The following TBC1D4 variants were observed in gnomAD, a reference collection of about 807,000 sequenced individuals.
TBC1D4 encodes TBC1 domain family member 4, also known as TBC (Tre-2, BUB2, CDC16) domain-containing protein.
TBC1D4 carries 121 observed loss-of-function variants against 142.5 expected under a neutral mutation model. That is an observed-to-expected ratio of 0.85 (90% CI 0.73 to 0.99). TBC1D4 has a LOEUF of 0.99. Ranked by LOEUF, TBC1D4 falls within the 50% of genes least tolerant of loss-of-function variation. TBC1D4 has a pLI of 0.00. For synonymous variants in TBC1D4, 630 were observed against 628.2 expected (o/e 1.00, Z -0.04); for missense variants, 1,475 against 1,606.6 (o/e 0.92, Z 1.40).
At position 75,289,073 on chromosome 13, in the gene TBC1D4, T is replaced by C. The variant is rs1197972676; in HGVS notation, c.3524A>G (p.Tyr1175Cys). 3.7e-6 allele frequency: 6 copies of C among 1,613,744 alleles called. No individual in the cohort carries two copies. Among genetic ancestry groups the C allele is most frequent in the East Asian group, 2.2e-5 (1 of 44,884 alleles). The change falls in exon 20 of 21, where the codon TAT becomes TGT. Residue 1175 changes from tyrosine to cysteine, a missense_variant. Tyr to Cys is a radical substitution (Grantham distance 194, BLOSUM62 -2). Coordinates refer to ENST00000377636, the MANE Select transcript of TBC1D4 (RefSeq NM_014832.5). ...EMDISKQLHA[Y>C]EVEYHVLQDE... ...CTGTAGCACATGATATTCCACCTCA[T>C]AGGCATGCAACTGCTTAGAAATATC...
At position 75,429,641 on chromosome 13, in the gene TBC1D4, T is replaced by C. The variant is rs77161764; in HGVS notation, c.498+51629A>G. On this transcript the variant is annotated intron_variant, in intron 1 of 20. Transcript: ENST00000377636. ...GTTTTAATTAAAATGATCCCAAAAA[T>C]GCTTTTAAAATTTATTTAGATCGAA... 6.0e-3 allele frequency among the ~76,000 whole-genome samples: 908 copies of C among 152,170 alleles called. 9 individuals are homozygous for C. Among genetic ancestry groups the C allele is most frequent in the African/African-American group, 0.021 (880 of 41,516 alleles).
chr13:75,329,310 C>T (rs1432305998), intron 8 of TBC1D4, among the ~76,000 whole-genome samples: 1 of 152,064 alleles, frequency 6.6e-6, no homozygotes, highest in Admixed American at 6.6e-5. Context: ...GTGACTACTT[C>T]AGCAAACACG....
intron 1 of TBC1D4, among the ~76,000 whole-genome samples, chr13:75,410,522 T>C (rs1252564961): frequency 6.6e-6 from 1 of 152,178 alleles, no homozygotes; most frequent in Admixed American, 6.5e-5. Flanking sequence ...AGAAGTTGGG[T>C]CAGGGCACAC....
intron 18 of TBC1D4, among the ~76,000 whole-genome samples, chr13:75,293,319 C>A (rs1875538874): frequency 6.6e-6 from 1 of 152,160 alleles, no homozygotes; most frequent in Non-Finnish European, 1.5e-5. Context: ...CTTGCTCATG[C>A]ATCTTTCCAT....
intron 2 of TBC1D4, among the ~76,000 whole-genome samples, chr13:75,361,693 T>A (rs1882529376): frequency 1.3e-5 from 2 of 152,172 alleles, no homozygotes; most frequent in Non-Finnish European, 2.9e-5. Flanking sequence ...AATTTTTTTT[T>A]AAGCATTTAT....
At chr13:75,431,939 A>C (rs1314257804) in intron 1 of TBC1D4, among the ~76,000 whole-genome samples, 3 of 152,222 alleles carry the variant, frequency 2.0e-5, no homozygotes, top group Non-Finnish European at 4.4e-5. Flanking sequence ...TCTAAGGGTT[A>C]AGAATGGACA....
intron 1 of TBC1D4, among the ~76,000 whole-genome samples, chr13:75,381,325 A>T (rs201449341): frequency 6.6e-6 from 1 of 152,130 alleles, no homozygotes; most frequent in Non-Finnish European, 1.5e-5. Flanking sequence ...ATGGCCTATA[A>T]CTGCCACTCA....
At chr13:75,442,489 A>G (rs952214172) in intron 1 of TBC1D4, among the ~76,000 whole-genome samples, 1 of 152,294 alleles carries the variant, frequency 6.6e-6, no homozygotes, top group East Asian at 1.9e-4. Context: ...TCTAAAACTA[A>G]CATTTAAGTT....
chr13:75,466,983 T>A (rs1379046790), intron 1 of TBC1D4, among the ~76,000 whole-genome samples: 3 of 151,882 alleles, frequency 2.0e-5, no homozygotes, highest in Non-Finnish European at 2.9e-5. Flanking sequence ...ATATCTAGAA[T>A]CAATTCTGCT....
chr13:75,342,422 C>G (rs1880790319), intron 5 of TBC1D4, among the ~76,000 whole-genome samples: 1 of 152,278 alleles, frequency 6.6e-6, no homozygotes, highest in Non-Finnish European at 1.5e-5. Context: ...TATTAAAAGG[C>G]AAGACTACGG....
chr13:75,466,097 T>C (rs181116959), intron 1 of TBC1D4, among the ~76,000 whole-genome samples: 42 of 152,340 alleles, frequency 2.8e-4, no homozygotes, highest in African/African-American at 9.9e-4. Flanking sequence ...TCAGAGGCCG[T>C]TGGTCACTCC....
chr13:75,375,821 A>G (rs1411573994), intron 1 of TBC1D4: 1 of 143,772 alleles, frequency 7.0e-6, no homozygotes, highest in African/African-American at 2.6e-5. Flanking sequence ...AGGTTTCTTA[A>G]GCAAGCTGCC....
intron 17 of TBC1D4, among the ~76,000 whole-genome samples, chr13:75,295,431 T>C (rs937066744): frequency 6.6e-6 from 1 of 152,182 alleles, no homozygotes; most frequent in East Asian, 1.9e-4. Flanking sequence ...AGAAGCTTAT[T>C]TCTATTTACT....
intron 1 of TBC1D4, among the ~76,000 whole-genome samples, chr13:75,437,814 G>A (rs1214211387): frequency 1.3e-5 from 2 of 152,134 alleles, no homozygotes; most frequent in East Asian, 1.9e-4. Flanking sequence ...GACCTTCCCA[G>A]TGAGAAGTCA....
At chr13:75,471,665 G>A (rs1055738265) in intron 1 of TBC1D4, among the ~76,000 whole-genome samples, 1 of 152,020 alleles carries the variant, frequency 6.6e-6, no homozygotes, top group African/African-American at 2.4e-5. Flanking sequence ...TTGAACCTGG[G>A]AGGCGGAGGT....
At position 75,406,446 on chromosome 13, in the gene TBC1D4, C is replaced by T. The variant is rs117200457; in HGVS notation, c.499-43839G>A. Among the ~76,000 whole-genome samples, 294 of 152,270 alleles carry T rather than the reference C, an allele frequency of 1.9e-3. 3 individuals carry two copies. The East Asian group carries it at 0.019, about 10-fold the overall frequency. On this transcript the variant is annotated intron_variant, in intron 1 of 20. Coordinates refer to ENST00000377636, the MANE Select transcript of TBC1D4 (RefSeq NM_014832.5). ...AAAAGAATATGCTGTCTTCAACAGA[C>T]GGCACATTGCATGGTTTTGTCCTTC...
intron 11 of TBC1D4, among the ~76,000 whole-genome samples, chr13:75,321,651 A>C (rs562261402): frequency 6.6e-6 from 1 of 152,260 alleles, no homozygotes; most frequent in African/African-American, 2.4e-5. Context: ...GTTCAGATAA[A>C]CCTATTAAGA....
In TBC1D4 at chr13:75,318,831, G is replaced by A. The variant is rs553889661; in HGVS notation, c.2222+1183C>T. ...TTTTATTTCCTAAACTCTACACACT[G>A]CAGATTTTAAGAAAATAAGTTTAGT... On this transcript the variant is annotated intron_variant, in intron 12 of 20. Coordinates refer to ENST00000377636, the MANE Select transcript of TBC1D4 (RefSeq NM_014832.5). 2.1e-4 allele frequency among the ~76,000 whole-genome samples: 32 copies of A among 152,206 alleles called. No homozygotes were observed. The South Asian group carries it at 6.6e-3, about 32-fold the overall frequency.
intron 1 of TBC1D4, among the ~76,000 whole-genome samples, chr13:75,393,909 A>G (rs1275060937): frequency 2.7e-5 from 4 of 148,754 alleles, no homozygotes; most frequent in Admixed American, 6.8e-5. Flanking sequence ...CCTGGGCAAC[A>G]AGAGCAAAAC....
Sources: gnomAD v4.1 joint callset for allele counts (sites outside exome capture counted in the v4.1 genomes callset) on GRCh38, gnomAD v4.1.1 for gene constraint, MANE v1.5 for transcripts, NCBI Gene and HGNC (gene_info 2026-07-23, HGNC 2026-07-21) for gene names.